The following OPCML variants were observed in gnomAD, a reference collection of about 807,000 sequenced individuals.
OPCML encodes the protein opioid-binding protein/cell adhesion molecule.
In OPCML, 13 loss-of-function variants were observed where a neutral mutation model predicts 37.8. The observed-to-expected ratio is 0.34, with a 90% CI of 0.22 to 0.55. The LOEUF (loss-of-function observed/expected upper bound fraction) is 0.55. OPCML is among the 20% of genes least tolerant of loss of function. OPCML has a pLI of 0.91. For synonymous variants in OPCML, 176 were observed against 168.8 expected (o/e 1.04, Z -0.33); for missense variants, 341 against 435.6 (o/e 0.78, Z 1.93).
chr11:133,523,016 A>G lies in OPCML; in HGVS notation c.61+9248T>C, dbSNP rs138085111. Among the ~76,000 whole-genome samples, 322 of 152,284 alleles carry G rather than the reference A, an allele frequency of 2.1e-3. 1 individual carries two copies. The highest frequency in any genetic ancestry group is 7.1e-3 in the African/African-American group (294 of 41,550). On this transcript the variant is annotated intron_variant, in intron 1 of 7. Transcript: ENST00000524381. ...AGTTGCATCTTGGTGGCCACAAGCT[A>G]CTATGGCGTCCAATTAGCGCTTTTC...
chr11:132,975,287 G>A (rs1946433658), intron 1 of OPCML, among the ~76,000 whole-genome samples: 1 of 151,684 alleles, frequency 6.6e-6, no homozygotes, highest in African/African-American at 2.4e-5. Context: ...AATGATGGAA[G>A]TTTTGTTTTC....
Position 133,185,713 on chromosome 11 carries a change from C to T in OPCML, c.62-242703G>A, listed in dbSNP as rs77565733. On this transcript the variant is annotated intron_variant, in intron 1 of 7. Transcript: ENST00000524381. The stretch of plus-strand genomic sequence containing the variant: ...TTTATTTGAGAACAAAAAAAACAAC[C>T]GCTCATCGTTGATCTGGTGCCTTTC... Among the ~76,000 whole-genome samples the T allele has an allele frequency of 8.1e-3, 1,229 of 152,198 alleles. 14 individuals carry two copies. The highest frequency in any genetic ancestry group is 0.028 in the African/African-American group (1,180 of 41,524).
chr11:133,024,360 G>A (rs1024743179), intron 1 of OPCML: 25 of 985,176 alleles, frequency 2.5e-5, no homozygotes, highest in African/African-American at 2.4e-4. Context: ...AACAGCACAC[G>A]TGTCCATTGA....
intron 1 of OPCML, among the ~76,000 whole-genome samples, chr11:133,181,003 C>T (rs576967828): frequency 2.0e-5 from 3 of 152,180 alleles, no homozygotes; most frequent in Admixed American, 6.5e-5. Context: ...TGAATAACAA[C>T]CAAGCTAAAT....
chr11:132,632,149 A>AG (rs1940181517), intron 3 of OPCML, among the ~76,000 whole-genome samples: 1 of 151,356 alleles, frequency 6.6e-6, no homozygotes, highest in Non-Finnish European at 1.5e-5. Flanking sequence ...AAAAAAAAAA[A>AG]GAAAGAATGA....
At chr11:132,640,856 G>C (rs1370763191) in intron 3 of OPCML, among the ~76,000 whole-genome samples, 1 of 152,190 alleles carries the variant, frequency 6.6e-6, no homozygotes, top group Non-Finnish European at 1.5e-5. Context: ...CTAAAGGGCA[G>C]GGAGAGGGTG....
chr11:132,601,962 T>C (rs181866144), intron 3 of OPCML, among the ~76,000 whole-genome samples: 2 of 152,314 alleles, frequency 1.3e-5, no homozygotes, highest in East Asian at 1.9e-4. Context: ...AAATATTCCA[T>C]GCATTCTCTA....
At chr11:132,601,511 C>T (rs1025248088) in intron 3 of OPCML, among the ~76,000 whole-genome samples, 2 of 152,312 alleles carry the variant, frequency 1.3e-5, no homozygotes, top group African/African-American at 2.4e-5. Flanking sequence ...AACCCTCCAT[C>T]CTTCTCCTCA....
chr11:133,204,058 C>CAAAAAAAAAAA lies in OPCML; in HGVS notation c.62-261059_62-261049dup, dbSNP rs58343203. ...GGGGGGACAGAGCGAGACTCTGTCT[C>CAAAAAAAAAAA]AAAAAAAAAAAAAAAAAAAAAAAAA... On this transcript the variant is annotated intron_variant, in intron 1 of 7. Coordinates refer to ENST00000524381, the MANE Select transcript of OPCML (RefSeq NM_001012393.5). Among the ~76,000 whole-genome samples the CAAAAAAAAAAA allele has an allele frequency of 7.8e-4, 52 of 66,496 alleles. 3 individuals carry two copies. Among genetic ancestry groups the CAAAAAAAAAAA allele is most frequent in the African/African-American group, 2.1e-3 (38 of 18,506 alleles). 43.6% of individuals were successfully genotyped at this position (66,496 alleles called of 152,430 possible).
At chr11:133,015,979 C>T (rs1421907052) in intron 1 of OPCML, among the ~76,000 whole-genome samples, 1 of 152,182 alleles carries the variant, frequency 6.6e-6, no homozygotes, top group Non-Finnish European at 1.5e-5. Flanking sequence ...TTTCCATATC[C>T]AAGGCTCCTT....
intron 2 of OPCML, among the ~76,000 whole-genome samples, chr11:132,902,084 G>A (rs1944083106): frequency 6.6e-6 from 1 of 152,164 alleles, no homozygotes. Flanking sequence ...GTTAATTTCT[G>A]ATGAAAAACC....
At chr11:132,760,765 G>C (rs1946233876) in intron 2 of OPCML, among the ~76,000 whole-genome samples, 1 of 151,970 alleles carries the variant, frequency 6.6e-6, no homozygotes, top group Admixed American at 6.6e-5. Flanking sequence ...TTGCCAGTCT[G>C]TGTCTTTTAA....
At chr11:132,429,924 C>T (rs1227226864) in intron 7 of OPCML, among the ~76,000 whole-genome samples, 2 of 152,034 alleles carry the variant, frequency 1.3e-5, no homozygotes, top group African/African-American at 4.8e-5. Flanking sequence ...GGGCAGGTGC[C>T]GGAGGAGCTA....
intron 7 of OPCML, chr11:132,435,158 C>T (rs1466106898): frequency 1.6e-6 from 2 of 1,287,144 alleles, no homozygotes; most frequent in Non-Finnish European, 2.0e-6. Flanking sequence ...GCTGTACCCA[C>T]CTGCCACTGC....
chr11:133,165,866 G>T (rs1950202113), intron 1 of OPCML, among the ~76,000 whole-genome samples: 1 of 152,302 alleles, frequency 6.6e-6, no homozygotes, highest in African/African-American at 2.4e-5. Context: ...CACACAAGAA[G>T]AATCTGACCT....
chr11:132,693,902 G>A (rs932939021), intron 2 of OPCML, among the ~76,000 whole-genome samples: 5 of 152,138 alleles, frequency 3.3e-5, no homozygotes, highest in Admixed American at 6.5e-5. Context: ...GTTTCAGTAT[G>A]AAAATAGGAG....
chr11:132,917,160 A>T lies in OPCML; in HGVS notation c.146+25766T>A, dbSNP rs114198501. On this transcript the variant is annotated intron_variant, in intron 2 of 7. Coordinates refer to ENST00000524381, the MANE Select transcript of OPCML (RefSeq NM_001012393.5). ...GACAAATACCGTACGCTCTAGTCCA[A>T]TTGATTATTAAGACACCGTAACGAG... 6.5e-3 allele frequency among the ~76,000 whole-genome samples: 986 copies of T among 152,266 alleles called. 9 individuals are homozygous for T. The highest frequency in any genetic ancestry group is 0.022 in the African/African-American group (931 of 41,560).
intron 1 of OPCML, among the ~76,000 whole-genome samples, chr11:133,315,546 C>G (rs1477022715): frequency 6.6e-6 from 1 of 152,236 alleles, no homozygotes; most frequent in African/African-American, 2.4e-5. Context: ...CGCCTATAAT[C>G]CCAGCACTTT....
At chr11:133,114,578 C>G (rs998964280) in intron 1 of OPCML, among the ~76,000 whole-genome samples, 3 of 152,140 alleles carry the variant, frequency 2.0e-5, no homozygotes, top group African/African-American at 7.2e-5. Flanking sequence ...TCAAAACTTG[C>G]AATGGTCCTC....
Sources: allele counts gnomAD v4.1 joint callset (sites outside exome capture counted in the v4.1 genomes callset), GRCh38; gene constraint gnomAD v4.1.1; transcripts MANE v1.5; gene names NCBI Gene and HGNC (gene_info 2026-07-23, HGNC 2026-07-21).